The following PPFIA2 variants were observed in gnomAD, a reference collection of about 807,000 sequenced individuals.
PPFIA2 encodes the protein PPFI scaffold protein A2.
A neutral mutation model predicts 175.5 loss-of-function variants in PPFIA2; 46 were observed. The ratio of observed to expected loss-of-function variants is 0.26; its 90% confidence interval spans 0.21 to 0.34. PPFIA2 has a LOEUF of 0.34. PPFIA2 is among the 10% of genes least tolerant of loss of function. The pLI is 1.00. For synonymous variants in PPFIA2, 568 were observed against 511.4 expected, an observed-to-expected ratio of 1.11 and a Z score of -1.49; for missense variants, 1,179 against 1,506.1, an observed-to-expected ratio of 0.78 and a Z score of 3.60.
chr12:81,388,336 CCAATA>C, intron 8 of PPFIA2, among the ~76,000 whole-genome samples: 1 of 152,190 alleles, frequency 6.6e-6, no homozygotes, highest in Non-Finnish European at 1.5e-5. Context: ...ACTGATCTCT[CCAATA>C]CAATGAATGA....
At chr12:81,717,331 T>C (rs1029687871) in intron 3 of PPFIA2, among the ~76,000 whole-genome samples, 11 of 151,660 alleles carry the variant, frequency 7.3e-5, no homozygotes, top group Non-Finnish European at 1.3e-4. Flanking sequence ...AGTGTTCTTA[T>C]CTTATGGGTG....
chr12:81,741,028 C>T (rs1253762238), intron 3 of PPFIA2, among the ~76,000 whole-genome samples: 1 of 152,016 alleles, frequency 6.6e-6, no homozygotes, highest in African/African-American at 2.4e-5. Flanking sequence ...GAAATAAATT[C>T]CTTAGTGAAA....
At chr12:81,354,093 G>A (rs1471388596) in intron 16 of PPFIA2, among the ~76,000 whole-genome samples, 2 of 152,142 alleles carry the variant, frequency 1.3e-5, no homozygotes, top group Non-Finnish European at 2.9e-5. Context: ...CTTTTTGCTG[G>A]TGGAAGGTCT....
At position 81,353,439 on chromosome 12, in the gene PPFIA2, T is replaced by C. The variant is rs1397383418; in HGVS notation, c.1774-100A>G. The C allele has an allele frequency of 1.9e-5, 15 of 801,956 alleles. No individual in the cohort carries two copies. The East Asian group carries it at 3.4e-4, about 18-fold the overall frequency. 49.7% of individuals were successfully genotyped at this position (801,956 alleles called of 1,614,324 possible). A position where few individuals can be genotyped will look rare whatever the true frequency, so the allele number is the denominator to read the frequency against. ...ACAACAACAGGCATGCTTTTACAAC[T>C]GACCTTGCAAAAACTGAACCAATTA... On this transcript the variant is annotated intron_variant, in intron 16 of 32. Transcript: ENST00000549396.
intron 7 of PPFIA2, among the ~76,000 whole-genome samples, chr12:81,423,144 T>C (rs2046581510): frequency 6.6e-6 from 1 of 152,128 alleles, no homozygotes; most frequent in Admixed American, 6.6e-5. Flanking sequence ...CCAACCCAAA[T>C]ATGTCCATGA....
intron 4 of PPFIA2, among the ~76,000 whole-genome samples, chr12:81,598,743 A>T (rs1351656243): frequency 6.6e-6 from 1 of 151,910 alleles, no homozygotes; most frequent in Non-Finnish European, 1.5e-5. Flanking sequence ...CAATTCAGTA[A>T]GACTGTATAT....
intron 9 of PPFIA2, among the ~76,000 whole-genome samples, chr12:81,381,611 C>G (rs1477208888): frequency 6.6e-6 from 1 of 152,006 alleles, no homozygotes; most frequent in Non-Finnish European, 1.5e-5. Context: ...CCTAGTAATT[C>G]CTTAACAGTG....
At chr12:81,759,194 C>T (rs1036680669) in intron 1 of PPFIA2, 86 bp downstream of exon 1, 1 of 148,258 alleles carries the variant, frequency 6.7e-6, no homozygotes, top group Admixed American at 6.7e-5. Flanking sequence ...GCCGCCCCCC[C>T]GCCGCCACAG....
At chr12:81,259,682 A>T in intron 32 of PPFIA2, 22 bp from the exon 33 acceptor site, 1 of 1,532,924 alleles carries the variant, frequency 6.5e-7, no homozygotes, top group Non-Finnish European at 8.7e-7. Context: ...AATGGATAGC[A>T]TTAGTTCACT....
intron 25 of PPFIA2, 24 bp from the exon 26 acceptor site, chr12:81,283,063 T>A: frequency 6.2e-7 from 1 of 1,609,898 alleles, no homozygotes; most frequent in Middle Eastern, 1.7e-4. Context: ...AGGAAATGAT[T>A]AATAAAGCAG....
chr12:81,558,332 A>G lies in PPFIA2; in HGVS notation c.304-100466T>C, dbSNP rs556928334. ...GGAGCTTGGACGTAAGCCAGTACTT[A>G]GAATGAATGGAAGATTGATCAGTAG... On this transcript the variant is annotated intron_variant, in intron 4 of 32. Coordinates refer to ENST00000549396, the MANE Select transcript of PPFIA2 (RefSeq NM_003625.5). Among the ~76,000 whole-genome samples the G allele has an allele frequency of 3.7e-3, 569 of 152,332 alleles. 3 individuals carry two copies. Among genetic ancestry groups the G allele is most frequent in the African/African-American group, 0.013 (533 of 41,578 alleles).
chr12:81,490,818 T>C lies in PPFIA2; in HGVS notation c.304-32952A>G, dbSNP rs534673707. ...AGGCATTTGCTTATACTGGTCCCCA[T>C]AGATTTTCCTCCTGTTTAACATCAC... On this transcript the variant is annotated intron_variant, in intron 4 of 32. Coordinates refer to ENST00000549396, the MANE Select transcript of PPFIA2 (RefSeq NM_003625.5). Among the ~76,000 whole-genome samples the C allele has an allele frequency of 4.9e-4, 74 of 152,104 alleles. No individual in the cohort carries two copies. The South Asian group carries it at 0.014, about 29-fold the overall frequency.
chr12:81,672,055 C>T (rs1031968113), intron 4 of PPFIA2, among the ~76,000 whole-genome samples: 1 of 151,794 alleles, frequency 6.6e-6, no homozygotes, highest in African/African-American at 2.4e-5. Flanking sequence ...TTATCAGTGT[C>T]TCCAAAACCT....
chr12:81,504,678 T>A (rs2060953218), intron 4 of PPFIA2, among the ~76,000 whole-genome samples: 1 of 152,108 alleles, frequency 6.6e-6, no homozygotes, highest in South Asian at 2.1e-4. Flanking sequence ...CATTCTACTA[T>A]AAGGACACAT....
intron 9 of PPFIA2, among the ~76,000 whole-genome samples, chr12:81,381,549 G>A (rs745456518): frequency 3.0e-4 from 45 of 152,254 alleles, no homozygotes; most frequent in Non-Finnish European, 6.3e-4. Context: ...TGAAGATGGA[G>A]AGAATGAACA....
intron 4 of PPFIA2, among the ~76,000 whole-genome samples, chr12:81,493,641 C>G (rs1287005405): frequency 1.3e-5 from 2 of 151,126 alleles, no homozygotes; most frequent in East Asian, 3.9e-4. Flanking sequence ...AATGGGCATT[C>G]AAAACTTTTT....
intron 11 of PPFIA2, among the ~76,000 whole-genome samples, chr12:81,372,513 G>GAAAAAAAAAAAAAAAAAAAAAAAAAA (rs3075257): frequency 3.2e-5 from 3 of 93,624 alleles, no homozygotes; most frequent in Non-Finnish European, 5.1e-5. Context: ...AATTGAAACA[G>GAAAAAAAAAAAAAAAAAAAAAAAAAA]AAAAAAAAAA....
At chr12:81,421,376 T>C (rs1230628853) in intron 7 of PPFIA2, among the ~76,000 whole-genome samples, 3 of 152,000 alleles carry the variant, frequency 2.0e-5, no homozygotes, top group Non-Finnish European at 4.4e-5. Flanking sequence ...AAACTCTAAC[T>C]ACAAGAACAC....
At chr12:81,488,887 G>C (rs1406369057) in intron 4 of PPFIA2, among the ~76,000 whole-genome samples, 1 of 151,700 alleles carries the variant, frequency 6.6e-6, no homozygotes, top group African/African-American at 2.4e-5. Context: ...AAAAGGGCAG[G>C]GTCTTAATGT....
Sources: gnomAD v4.1 joint callset for allele counts (sites outside exome capture counted in the v4.1 genomes callset) on GRCh38, gnomAD v4.1.1 for gene constraint, MANE v1.5 for transcripts, NCBI Gene and HGNC (gene_info 2026-07-23, HGNC 2026-07-21) for gene names.